The following GRIK4 variants were observed in gnomAD, a reference collection of about 807,000 sequenced individuals.
GRIK4 encodes the protein glutamate ionotropic receptor kainate type subunit 4.
In GRIK4, 40 loss-of-function variants were observed where a neutral mutation model predicts 104.9. That is an observed-to-expected ratio of 0.38 (90% CI 0.30 to 0.50). The LOEUF (loss-of-function observed/expected upper bound fraction) is 0.50, where lower values mean the gene tolerates loss of function less well. GRIK4 is among the 20% of genes least tolerant of loss of function. The pLI is 0.93. For synonymous variants in GRIK4, 485 were observed against 524.9 expected (o/e 0.92, Z 1.04); for missense variants, 1,047 against 1,308.1 (o/e 0.80, Z 3.08).
intron 17 of GRIK4, 29 bp from the exon 18 acceptor site, chr11:120,962,427 A>G (rs1297845582): frequency 1.5e-5 from 23 of 1,518,212 alleles, no homozygotes; most frequent in Non-Finnish European, 1.8e-5. Flanking sequence ...CTCTTTTCCC[A>G]ATCCTGCTTC....
chr11:120,729,936 T>C (rs924510133), intron 3 of GRIK4, among the ~76,000 whole-genome samples: 5 of 152,204 alleles, frequency 3.3e-5, no homozygotes, highest in African/African-American at 1.2e-4. Flanking sequence ...GATTTTATTT[T>C]TATATATGGT....
At chr11:120,835,066 C>T (rs1953538564) in intron 7 of GRIK4, among the ~76,000 whole-genome samples, 1 of 152,202 alleles carries the variant, frequency 6.6e-6, no homozygotes, top group Non-Finnish European at 1.5e-5. Context: ...GGAAATATAG[C>T]TTGGCCTGGA....
chr11:120,654,780 A>G (rs1382198378), intron 2 of GRIK4, among the ~76,000 whole-genome samples: 1 of 152,182 alleles, frequency 6.6e-6, no homozygotes, highest in African/African-American at 2.4e-5. Context: ...GAAGAAGTCA[A>G]GGTTTAGAGA....
intron 3 of GRIK4, among the ~76,000 whole-genome samples, chr11:120,748,472 C>A (rs1228988547): frequency 1.3e-5 from 2 of 152,056 alleles, no homozygotes; most frequent in Non-Finnish European, 2.9e-5. Flanking sequence ...CCTCTGCTAC[C>A]AGACCCACAG....
At chr11:120,841,908 T>C (rs1953726823) in intron 8 of GRIK4, among the ~76,000 whole-genome samples, 2 of 152,186 alleles carry the variant, frequency 1.3e-5, no homozygotes, top group African/African-American at 2.4e-5. Flanking sequence ...GTCCTGGTGA[T>C]TAAGAAGCTT....
At chr11:120,738,201 G>A (rs1187459559) in intron 3 of GRIK4, among the ~76,000 whole-genome samples, 1 of 152,210 alleles carries the variant, frequency 6.6e-6, no homozygotes. Context: ...TGGAGTAAAT[G>A]CCTTAACTGC....
chr11:120,799,489 CT>C (rs1952584858), intron 3 of GRIK4, among the ~76,000 whole-genome samples: 1 of 152,228 alleles, frequency 6.6e-6, no homozygotes, highest in Non-Finnish European at 1.5e-5. Context: ...GCAGCAAATC[CT>C]TGAGTTTTTA....
chr11:120,872,505 G>A (rs1592016244), intron 9 of GRIK4: 1 of 144,836 alleles, frequency 6.9e-6, no homozygotes, highest in African/African-American at 3.0e-5. Flanking sequence ...GCTCTCACAA[G>A]GGTCTCATGT....
chr11:120,620,093 C>G (rs1200334582), intron 1 of GRIK4: 2 of 732,130 alleles, frequency 2.7e-6, no homozygotes, highest in East Asian at 5.0e-5. Flanking sequence ...AAACTGGCCT[C>G]ATTGGTTTCG....
chr11:120,848,240 A>G (rs1172014440), intron 8 of GRIK4, among the ~76,000 whole-genome samples: 1 of 152,214 alleles, frequency 6.6e-6, no homozygotes, highest in Non-Finnish European at 1.5e-5. Context: ...GACGAACTAC[A>G]TCCAGAGCTC....
At chr11:120,615,688 G>A (rs1346102231) in intron 1 of GRIK4, among the ~76,000 whole-genome samples, 2 of 152,162 alleles carry the variant, frequency 1.3e-5, no homozygotes, top group African/African-American at 4.8e-5. Flanking sequence ...TGCCCCTAGG[G>A]CCTGGTAAGT....
chr11:120,982,956 A>G (rs116315136), intron 20 of GRIK4, among the ~76,000 whole-genome samples: 5,024 of 152,200 alleles, frequency 0.033, 278 homozygotes, highest in African/African-American at 0.11. Flanking sequence ...GTCTCCTTGT[A>G]GGACTTCCAC....
rs200768825 is a variant in GRIK4, at chr11:120,747,401, G to T, written c.83-55292G>T. ...TTGACTTGCCCCAGTCTCCTCCCCCGCTAGGGTGTGTGACAAACCGAGTCA... is the reference window on the plus strand; with the variant it reads ...TTGACTTGCCCCAGTCTCCTCCCCCTCTAGGGTGTGTGACAAACCGAGTCA... On this transcript the variant is annotated intron_variant, in intron 3 of 20. Coordinates refer to ENST00000527524, the MANE Select transcript of GRIK4 (RefSeq NM_014619.5). 1.1e-4 allele frequency among the ~76,000 whole-genome samples: 16 copies of T among 152,242 alleles called. No individual in the cohort carries two copies. The East Asian group carries it at 2.9e-3, about 28-fold the overall frequency.
At chr11:120,534,907 C>T (rs972229415) in intron 1 of GRIK4, among the ~76,000 whole-genome samples, 1 of 152,140 alleles carries the variant, frequency 6.6e-6, no homozygotes, top group African/African-American at 2.4e-5. Flanking sequence ...TCCTGGTTTG[C>T]CCAGCTCTGC....
intron 1 of GRIK4, among the ~76,000 whole-genome samples, chr11:120,519,865 GTTTT>G (rs1311313035): frequency 6.8e-5 from 7 of 102,566 alleles, no homozygotes; most frequent in African/African-American, 2.8e-4. Context: ...CTCACTACTG[GTTTT>G]TTTTTTTTTT....
chr11:120,960,594 T>C (rs943620087), intron 16 of GRIK4, among the ~76,000 whole-genome samples: 14 of 152,240 alleles, frequency 9.2e-5, no homozygotes, highest in Non-Finnish European at 1.5e-4. Flanking sequence ...GCTCATTCAC[T>C]AGCTCATTTC....
At chr11:120,844,016 A>G (rs1422703008) in intron 8 of GRIK4, among the ~76,000 whole-genome samples, 1 of 151,828 alleles carries the variant, frequency 6.6e-6, no homozygotes, top group East Asian at 1.9e-4. Flanking sequence ...TATGCAGCCA[A>G]TTTTCCTCCC....
intron 19 of GRIK4, among the ~76,000 whole-genome samples, chr11:120,972,787 A>G (rs1229269206): frequency 6.6e-6 from 1 of 152,104 alleles, no homozygotes; most frequent in Non-Finnish European, 1.5e-5. Context: ...ATTCTTCTGG[A>G]GAGTTTGGCT....
chr11:120,830,659 C>T (rs1953402391), intron 6 of GRIK4, among the ~76,000 whole-genome samples: 1 of 152,200 alleles, frequency 6.6e-6, no homozygotes, highest in African/African-American at 2.4e-5. Flanking sequence ...TCCGATTCTC[C>T]TCTGTGCTGG....
Sources: gnomAD v4.1 joint callset for allele counts (sites outside exome capture counted in the v4.1 genomes callset) on GRCh38, gnomAD v4.1.1 for gene constraint, MANE v1.5 for transcripts, NCBI Gene and HGNC (gene_info 2026-07-23, HGNC 2026-07-21) for gene names.